The following USP4 variants were observed in gnomAD, a reference collection of about 807,000 sequenced individuals.
USP4 encodes the protein ubiquitin specific peptidase 4.
USP4 carries 72 observed loss-of-function variants against 118.2 expected under a neutral mutation model. The ratio of observed to expected loss-of-function variants is 0.61; its 90% CI spans 0.50 to 0.74. USP4 has a LOEUF of 0.74. Ranked by LOEUF, USP4 falls within the 30% of genes least tolerant of loss-of-function variation. USP4 has a pLI of 0.00. For synonymous variants in USP4, 415 were observed against 440.4 expected (o/e 0.94, Z 0.72); for missense variants, 1,037 against 1,185.7 (o/e 0.87, Z 1.84).
chr3:49,295,905 G>A (rs1346845135), intron 13 of USP4, among the ~76,000 whole-genome samples: 1 of 152,136 alleles, frequency 6.6e-6, no homozygotes. Context: ...GGTCCACATT[G>A]CCATTTTCTG....
intron 2 of USP4, among the ~76,000 whole-genome samples, chr3:49,334,020 A>T (rs2107805519): frequency 6.8e-6 from 1 of 147,580 alleles, no homozygotes; most frequent in Middle Eastern, 3.5e-3. Flanking sequence ...ACTCCGTCTC[A>T]AAAAAAAAAA....
chr3:49,316,344 G>A (rs2047435982), intron 6 of USP4, among the ~76,000 whole-genome samples: 1 of 152,084 alleles, frequency 6.6e-6, no homozygotes, highest in African/African-American at 2.4e-5. Context: ...CTGGAGTGCA[G>A]TGGTCCAATC....
intron 6 of USP4, among the ~76,000 whole-genome samples, chr3:49,321,429 G>C (rs2047499559): frequency 6.6e-6 from 1 of 151,560 alleles, no homozygotes; most frequent in Non-Finnish European, 1.5e-5. Flanking sequence ...TTTATCTCTG[G>C]AATATTATAG....
At chr3:49,280,615 G>C in intron 20 of USP4, 129 bp downstream of exon 20, 1 of 510,296 alleles carries the variant, frequency 2.0e-6, no homozygotes, top group Non-Finnish European at 3.4e-6. Context: ...TCAGTATGAA[G>C]AAAGCGTGCA....
intron 6 of USP4, among the ~76,000 whole-genome samples, chr3:49,319,311 C>G (rs1164051277): frequency 6.6e-6 from 1 of 151,866 alleles, no homozygotes; most frequent in African/African-American, 2.4e-5. Context: ...TGCAGTGGCG[C>G]GATCTCGGCT....
intron 13 of USP4, among the ~76,000 whole-genome samples, chr3:49,296,078 T>A (rs552663896): frequency 6.6e-6 from 1 of 152,038 alleles, no homozygotes; most frequent in African/African-American, 2.4e-5. Flanking sequence ...ACACCTGTAA[T>A]CCCAGCACTT....
chr3:49,311,463 C>T lies in USP4; in HGVS notation c.836+51G>A, dbSNP rs556904865. 1.0e-5 allele frequency: 16 copies of T among 1,598,552 alleles called. No homozygotes were observed. The South Asian group carries it at 1.3e-4, about 13-fold the overall frequency. Reference sequence around the variant, plus strand: ...CAGCAGATGAGCTCTCAAGATACAGCCTGGGAAAGGACCACGGGAAAGGAA... The same window carrying T: ...CAGCAGATGAGCTCTCAAGATACAGTCTGGGAAAGGACCACGGGAAAGGAA... On this transcript the variant is annotated intron_variant, in intron 7 of 21. Transcript: ENST00000265560.
chr3:49,337,094 G>A (rs2047675587), intron 1 of USP4, among the ~76,000 whole-genome samples: 1 of 151,742 alleles, frequency 6.6e-6, no homozygotes, highest in Non-Finnish European at 1.5e-5. Flanking sequence ...GACCAGCCTG[G>A]GCAACAAACC....
At chr3:49,299,640 C>T (rs1486392358) in intron 11 of USP4, among the ~76,000 whole-genome samples, 2 of 152,060 alleles carry the variant, frequency 1.3e-5, no homozygotes, top group Non-Finnish European at 2.9e-5. Flanking sequence ...GATCTGCCCG[C>T]CTCGGCCTCC....
chr3:49,318,126 G>A (rs1201844173), intron 6 of USP4, among the ~76,000 whole-genome samples: 6 of 152,002 alleles, frequency 3.9e-5, no homozygotes, highest in African/African-American at 7.2e-5. Context: ...ATGAGCCACC[G>A]TGCCTGACCT....
At chr3:49,310,399 A>G (rs1192798797) in intron 8 of USP4, among the ~76,000 whole-genome samples, 2 of 152,176 alleles carry the variant, frequency 1.3e-5, no homozygotes, top group Non-Finnish European at 2.9e-5. Context: ...ATCTTACTAT[A>G]AAACCAAACA....
chr3:49,295,887 A>G (rs543335089), intron 13 of USP4, among the ~76,000 whole-genome samples: 2 of 152,244 alleles, frequency 1.3e-5, no homozygotes, highest in African/African-American at 4.8e-5. Flanking sequence ...CACCTGCCCC[A>G]GGTTCCAGGT....
intron 8 of USP4, among the ~76,000 whole-genome samples, chr3:49,309,943 CTTTTTTTTTT>C (rs773669515): frequency 2.7e-4 from 11 of 40,228 alleles, no homozygotes; most frequent in Non-Finnish European, 3.6e-4. Context: ...TTTTTTTAAT[CTTTTTTTTTT>C]TTTTTTTTTT....
At chr3:49,308,249 G>A (rs901022188) in intron 8 of USP4, among the ~76,000 whole-genome samples, 1 of 152,144 alleles carries the variant, frequency 6.6e-6, no homozygotes, top group Non-Finnish European at 1.5e-5. Context: ...AACCAAAAAT[G>A]TGACTTACGG....
intron 13 of USP4, among the ~76,000 whole-genome samples, chr3:49,296,204 G>A (rs545584444): frequency 2.0e-5 from 3 of 152,068 alleles, no homozygotes; most frequent in Admixed American, 1.3e-4. Flanking sequence ...GGTGGCACGC[G>A]CCTGTAGTCC....
At chr3:49,284,210 C>T (rs2047069925) in intron 18 of USP4, 74 bp from the exon 19 acceptor site, 1 of 1,578,756 alleles carries the variant, frequency 6.3e-7, no homozygotes, top group African/African-American at 1.3e-5. Context: ...CATGGAGGCA[C>T]AGCTGCAGTC....
intron 4 of USP4, 134 bp downstream of exon 4, chr3:49,325,585 G>A: frequency 7.4e-7 from 1 of 1,345,222 alleles, no homozygotes; most frequent in Non-Finnish European, 1.0e-6. Context: ...GGTCAGGACT[G>A]GCAACTACAG....
In USP4 at chr3:49,295,288, C is replaced by CAAAAAAAAAAAAAAAAAAA. The variant is rs34296887; in HGVS notation, c.1692-709_1692-691dup. Among the ~76,000 whole-genome samples the CAAAAAAAAAAAAAAAAAAA allele has an allele frequency of 1.0e-3, 12 of 11,944 alleles. 1 individual carries two copies. Among genetic ancestry groups the CAAAAAAAAAAAAAAAAAAA allele is most frequent in the Non-Finnish European group, 1.6e-3 (9 of 5,600 alleles). The allele number at this position is 11,944 out of a possible 152,430, so 7.8% of individuals were successfully genotyped here. A position where few individuals can be genotyped will look rare whatever the true frequency, so the allele number is the denominator to read the frequency against. On this transcript the variant is annotated intron_variant, in intron 13 of 21. Coordinates refer to ENST00000265560, the MANE Select transcript of USP4 (RefSeq NM_003363.4). Reference sequence around the variant, plus strand: ...TGGGCAACAGAGCGAGACTCCATCTCAAAAAAAAAAAAAAAAAAAAAAAAA... The same window carrying CAAAAAAAAAAAAAAAAAAA: ...TGGGCAACAGAGCGAGACTCCATCTCAAAAAAAAAAAAAAAAAAAAAAAAAAAAAAAAAAAAAAAAAAAA...
chr3:49,319,169 A>G (rs950392021), intron 6 of USP4, among the ~76,000 whole-genome samples: 1 of 151,834 alleles, frequency 6.6e-6, no homozygotes, highest in Non-Finnish European at 1.5e-5. Flanking sequence ...AATATATAAA[A>G]CTGACTCTAT....
Sources: allele counts gnomAD v4.1 joint callset (sites outside exome capture counted in the v4.1 genomes callset), GRCh38; gene constraint gnomAD v4.1.1; transcripts MANE v1.5; gene names NCBI Gene and HGNC (gene_info 2026-07-23, HGNC 2026-07-21).